CAMTA1: variants seen among roughly 807,000 people sequenced by gnomAD.
The protein encoded by CAMTA1 is calmodulin-binding transcription activator 1.
Under a neutral mutation model 170.9 loss-of-function variants are expected in CAMTA1, and 27 were observed. The observed-to-expected ratio is 0.16, with a 90% CI of 0.12 to 0.22. The LOEUF is 0.22. Among genes scored for constraint, CAMTA1 ranks in the 10% least tolerant of loss-of-function variants. CAMTA1 has a pLI of 1.00. For synonymous variants in CAMTA1, 833 were observed against 891.5 expected, an observed-to-expected ratio of 0.93 and a Z score of 1.17; for missense variants, 1,619 against 2,217.2, an observed-to-expected ratio of 0.73 and a Z score of 5.42.
chr1:6,970,307 C>G lies in CAMTA1; in HGVS notation c.235-120997C>G, dbSNP rs1692295605. ...TCTGTAATCCTAATGTGTACGGGAC[C>G]TTATGTCCTGCTTTGCTTGCACGAC... On this transcript the variant is annotated intron_variant, in intron 3 of 22. Coordinates refer to ENST00000303635, the MANE Select transcript of CAMTA1 (RefSeq NM_015215.4). This position sits in a 1 kb window ranked among gnomAD's most constrained non-coding sequence, Gnocchi z 4.4. 6.6e-6 allele frequency among the ~76,000 whole-genome samples: 1 copy of G among 152,182 alleles called. No individual in the cohort carries two copies. The highest frequency in any genetic ancestry group is 1.5e-5 in the Non-Finnish European group (1 of 68,032).
chr1:7,207,698 C>T (rs1253417650), intron 4 of CAMTA1, among the ~76,000 whole-genome samples: 1 of 152,106 alleles, frequency 6.6e-6, no homozygotes, highest in Non-Finnish European at 1.5e-5. Flanking sequence ...TTCTTATGAC[C>T]AAACCACCGG....
intron 3 of CAMTA1, among the ~76,000 whole-genome samples, chr1:6,893,708 C>T (rs1164803970): frequency 1.3e-5 from 2 of 152,160 alleles, no homozygotes; most frequent in African/African-American, 4.8e-5. Context: ...GTGGGTTTAG[C>T]TGTGGATCAC....
chr1:7,024,851 A>T (rs368367696), intron 3 of CAMTA1, among the ~76,000 whole-genome samples: 2 of 152,336 alleles, frequency 1.3e-5, no homozygotes, highest in East Asian at 3.9e-4. Flanking sequence ...CTAAGAATTT[A>T]TGATCCCCTA....
At chr1:6,930,713 A>T (rs1005652681) in intron 3 of CAMTA1, among the ~76,000 whole-genome samples, 1 of 152,150 alleles carries the variant, frequency 6.6e-6, no homozygotes, top group Non-Finnish European at 1.5e-5. Flanking sequence ...GCAAGGGACC[A>T]TTTGGCTGTC....
chr1:7,543,110 G>T (rs1330172696), intron 6 of CAMTA1, among the ~76,000 whole-genome samples: 2 of 151,878 alleles, frequency 1.3e-5, no homozygotes, highest in South Asian at 4.2e-4. Context: ...CTCGTAATCC[G>T]CCCACCTCGG....
chr1:7,619,602 G>A (rs997229913), intron 6 of CAMTA1, among the ~76,000 whole-genome samples: 8 of 151,918 alleles, frequency 5.3e-5, no homozygotes, highest in Admixed American at 1.3e-4. Flanking sequence ...AGATTCACTC[G>A]CCACTGCCCC....
chr1:7,070,597 AG>A (rs1424928662), intron 3 of CAMTA1, among the ~76,000 whole-genome samples: 1 of 152,156 alleles, frequency 6.6e-6, no homozygotes, highest in East Asian at 1.9e-4. Context: ...AGTGGTCACC[AG>A]CAAAGGGAGT....
chr1:7,109,132 C>T (rs919688686), intron 4 of CAMTA1, among the ~76,000 whole-genome samples: 1 of 152,210 alleles, frequency 6.6e-6, no homozygotes, highest in Non-Finnish European at 1.5e-5. Context: ...AAGACAAAAG[C>T]CAGAGTCTTT....
At chr1:7,744,285 C>A (rs545776231) in intron 16 of CAMTA1, among the ~76,000 whole-genome samples, 1 of 152,126 alleles carries the variant, frequency 6.6e-6, no homozygotes, top group Admixed American at 6.5e-5. Flanking sequence ...GCAAGCACCA[C>A]CATACCTGGC....
rs138108183 is a variant in CAMTA1, at chr1:7,561,920, T to C, written c.511-78480T>C. On this transcript the variant is annotated intron_variant, in intron 6 of 22. Transcript: ENST00000303635. This position sits in a 1 kb window ranked among gnomAD's most constrained non-coding sequence, Gnocchi z 5.3. Reference sequence around the variant, plus strand: ...CCAGCATGTGTCACCAGGCACTCCATTTCCTGGGCTCCATTTTTCCCCTGA... The same window carrying C: ...CCAGCATGTGTCACCAGGCACTCCACTTCCTGGGCTCCATTTTTCCCCTGA... Among the ~76,000 whole-genome samples, 1 of 152,308 alleles carries C rather than the reference T, an allele frequency of 6.6e-6. No individual in the cohort carries two copies. Among genetic ancestry groups the C allele is most frequent in the Non-Finnish European group, 1.5e-5 (1 of 68,030 alleles).
At chr1:7,154,906 C>A (rs1646776135) in intron 4 of CAMTA1, among the ~76,000 whole-genome samples, 1 of 152,198 alleles carries the variant, frequency 6.6e-6, no homozygotes, top group African/African-American at 2.4e-5. Context: ...AGCCCCTCCC[C>A]ACTCCAGCCG....
chr1:6,829,011 T>G (rs1271956551), intron 3 of CAMTA1, among the ~76,000 whole-genome samples: 2 of 151,462 alleles, frequency 1.3e-5, no homozygotes, highest in Non-Finnish European at 2.9e-5. Context: ...ATTCTTGTGC[T>G]TTAGCCTCCT....
chr1:7,294,796 A>G (rs1352109798), intron 5 of CAMTA1, among the ~76,000 whole-genome samples: 1 of 152,216 alleles, frequency 6.6e-6, no homozygotes, highest in Admixed American at 6.5e-5. Context: ...ACCAGCCCAG[A>G]CCAGGGTGAA....
intron 6 of CAMTA1, among the ~76,000 whole-genome samples, chr1:7,563,218 C>T (rs989019232): frequency 1.3e-5 from 2 of 152,226 alleles, no homozygotes; most frequent in South Asian, 2.1e-4. Context: ...TGGGGGCAAG[C>T]GGCCACAGAG....
At chr1:7,567,240 G>A (rs753044541) in intron 6 of CAMTA1, among the ~76,000 whole-genome samples, 1 of 152,188 alleles carries the variant, frequency 6.6e-6, no homozygotes, top group Non-Finnish European at 1.5e-5. Context: ...CACCATGGAA[G>A]CATGGAGGGC....
chr1:7,405,340 A>T (rs1332814615), intron 5 of CAMTA1, among the ~76,000 whole-genome samples: 1 of 151,852 alleles, frequency 6.6e-6, no homozygotes. Flanking sequence ...CTTAGAAAAA[A>T]AGCTTTTCTT....
chr1:7,235,094 C>A (rs985971520), intron 4 of CAMTA1, among the ~76,000 whole-genome samples: 4 of 151,976 alleles, frequency 2.6e-5, no homozygotes, highest in Admixed American at 1.3e-4. Flanking sequence ...GCCAAAAATA[C>A]AAATTGATTT....
chr1:7,416,061 T>G (rs1454975758), intron 5 of CAMTA1, among the ~76,000 whole-genome samples: 10 of 152,240 alleles, frequency 6.6e-5, no homozygotes, highest in African/African-American at 1.9e-4. Context: ...TGAAAATTCT[T>G]TTTTTTAAGA....
At chr1:7,073,990 A>G (rs758361746) in intron 3 of CAMTA1, among the ~76,000 whole-genome samples, 1 of 152,236 alleles carries the variant, frequency 6.6e-6, no homozygotes, top group Non-Finnish European at 1.5e-5. Flanking sequence ...TTGGAAACTC[A>G]GTGCTCAACA....
Sources: gnomAD v4.1 joint callset for allele counts (sites outside exome capture counted in the v4.1 genomes callset) on GRCh38, gnomAD v4.1.1 for gene constraint, Gnocchi (gnomAD v3.1) non-coding constraint, MANE v1.5 for transcripts, NCBI Gene and HGNC (gene_info 2026-07-23, HGNC 2026-07-21) for gene names.